Variants in CNTN5 observed in about 807,000 individuals in gnomAD.
CNTN5 encodes contactin 5.
Under a neutral mutation model 129.1 loss-of-function variants are expected in CNTN5, and 77 were observed. That is an observed-to-expected ratio of 0.60 (90% CI 0.50 to 0.72). The LOEUF (loss-of-function observed/expected upper bound fraction) is 0.72, where lower values mean the gene tolerates loss of function less well. Ranked by LOEUF, CNTN5 falls within the 30% of genes least tolerant of loss-of-function variation. The pLI is 0.00. For synonymous variants in CNTN5, 509 were observed against 465.6 expected, an observed-to-expected ratio of 1.09 and a Z score of -1.20; for missense variants, 1,478 against 1,328.8, an observed-to-expected ratio of 1.11 and a Z score of -1.75.
intron 21 of CNTN5, among the ~76,000 whole-genome samples, chr11:100,312,996 G>A (rs1264009585): frequency 2.0e-5 from 3 of 151,998 alleles, no homozygotes; most frequent in East Asian, 1.9e-4. Flanking sequence ...TAGCAAACCT[G>A]GTTCCTGTGA....
At chr11:99,843,350 C>A (rs1591296467) in intron 4 of CNTN5, among the ~76,000 whole-genome samples, 1 of 152,084 alleles carries the variant, frequency 6.6e-6, no homozygotes. Flanking sequence ...TGTTTTACTT[C>A]GCCAAGACAA....
At chr11:99,979,463 T>C (rs955866065) in intron 8 of CNTN5, among the ~76,000 whole-genome samples, 3 of 152,088 alleles carry the variant, frequency 2.0e-5, no homozygotes, top group Non-Finnish European at 4.4e-5. Context: ...GAAAAGTAAA[T>C]GAAGAAGAAG....
chr11:100,057,316 A>G (rs902144353), intron 9 of CNTN5, among the ~76,000 whole-genome samples: 1 of 149,932 alleles, frequency 6.7e-6, no homozygotes, highest in Non-Finnish European at 1.5e-5. Flanking sequence ...ATGAATTACA[A>G]CAAAAAAGTA....
chr11:99,270,457 C>T (rs1041821716), intron 1 of CNTN5, among the ~76,000 whole-genome samples: 9 of 151,804 alleles, frequency 5.9e-5, no homozygotes, highest in East Asian at 3.9e-4. Context: ...AACCCCAAAA[C>T]CTTCGGGAAC....
chr11:99,347,526 G>A (rs943071980), intron 2 of CNTN5, among the ~76,000 whole-genome samples: 5 of 152,070 alleles, frequency 3.3e-5, no homozygotes, highest in Non-Finnish European at 7.4e-5. Context: ...ATAAGAGAAA[G>A]CACATATCAT....
At chr11:99,746,227 T>C (rs1214229194) in intron 3 of CNTN5, among the ~76,000 whole-genome samples, 3 of 152,220 alleles carry the variant, frequency 2.0e-5, no homozygotes, top group Admixed American at 6.5e-5. Context: ...CATTTGTCTT[T>C]AGCAAATTTT....
chr11:99,577,823 T>TTTATTATTA (rs10677986), intron 3 of CNTN5, among the ~76,000 whole-genome samples: 14 of 148,044 alleles, frequency 9.5e-5, no homozygotes, highest in African/African-American at 2.2e-4. Context: ...AAGATTTTCT[T>TTTATTATTA]TTATTATTAT....
chr11:100,050,218 A>G (rs1210855296), intron 9 of CNTN5, among the ~76,000 whole-genome samples: 2 of 152,198 alleles, frequency 1.3e-5, no homozygotes, highest in African/African-American at 2.4e-5. Context: ...AAGAATTGGA[A>G]CCAACCCAAA....
chr11:99,031,507 ATTGGAT>A (rs977187735), intron 1 of CNTN5, among the ~76,000 whole-genome samples: 3 of 152,028 alleles, frequency 2.0e-5, no homozygotes, highest in African/African-American at 7.2e-5. Flanking sequence ...GTCTGGAACT[ATTGGAT>A]AGAGAGGAAA....
intron 3 of CNTN5, among the ~76,000 whole-genome samples, chr11:99,598,208 G>A (rs540114638): frequency 1.7e-4 from 25 of 144,124 alleles, no homozygotes; most frequent in Middle Eastern, 3.5e-3. Flanking sequence ...TTCCTCAGGC[G>A]GGAACCTTTT....
At chr11:99,728,962 C>T (rs908368978) in intron 3 of CNTN5, among the ~76,000 whole-genome samples, 4 of 152,136 alleles carry the variant, frequency 2.6e-5, no homozygotes, top group African/African-American at 4.8e-5. Flanking sequence ...TCTTAATGAG[C>T]ATAGGTTCTT....
At chr11:99,257,385 A>T (rs1320309044) in intron 1 of CNTN5, among the ~76,000 whole-genome samples, 1 of 152,004 alleles carries the variant, frequency 6.6e-6, no homozygotes, top group Admixed American at 6.6e-5. Context: ...ATGTCTACAA[A>T]CTGTTTTTAT....
chr11:99,410,351 A>G (rs1942336802), intron 2 of CNTN5, among the ~76,000 whole-genome samples: 1 of 152,178 alleles, frequency 6.6e-6, no homozygotes, highest in Non-Finnish European at 1.5e-5. Context: ...AGGTGAAAAC[A>G]AGGACAAGAA....
At chr11:99,936,951 C>T (rs1455378502) in intron 7 of CNTN5, among the ~76,000 whole-genome samples, 1 of 151,984 alleles carries the variant, frequency 6.6e-6, no homozygotes, top group Non-Finnish European at 1.5e-5. Flanking sequence ...ACCATGATAT[C>T]GATGGAGTTC....
In CNTN5 at chr11:100,191,217, G is replaced by A. The variant is rs773898226; in HGVS notation, c.1672G>A (p.Gly558Ser). ...KYVCRGENVF[G>S]SAEIIASLSV... ...CGTTTGCCGAGGGGAAAACGTCTTT[G>A]GTTCTGCTGAAATTATAGCTTCGCT... is the stretch of plus-strand genomic sequence containing the variant. Residue 558 changes from glycine (G) to serine (S), a missense_variant, in exon 14 of 25, where the codon GGT becomes AGT. Gly to Ser is a moderately conservative substitution (Grantham distance 56). Transcript: ENST00000524871. 5.0e-6 allele frequency: 8 copies of A among 1,612,616 alleles called. No homozygotes were observed. Among genetic ancestry groups the A allele is most frequent in the Non-Finnish European group, 4.2e-6 (5 of 1,179,098 alleles).
intron 24 of CNTN5, among the ~76,000 whole-genome samples, chr11:100,352,812 C>T (rs993643998): frequency 5.9e-5 from 9 of 151,696 alleles, no homozygotes; most frequent in African/African-American, 1.9e-4. Context: ...CAGATGAAGG[C>T]TGAATTTTCA....
chr11:99,587,046 C>G (rs2851593), intron 3 of CNTN5, among the ~76,000 whole-genome samples: 137,435 of 152,226 alleles, frequency 0.9, 62,169 homozygotes, highest in South Asian at 0.95. Flanking sequence ...AATGTGTGTG[C>G]GAGTGAGGAT....
intron 2 of CNTN5, among the ~76,000 whole-genome samples, chr11:99,384,314 C>G (rs1940787735): frequency 6.6e-6 from 1 of 152,160 alleles, no homozygotes; most frequent in Admixed American, 6.6e-5. Flanking sequence ...CACTTTTAAA[C>G]AATTTGGGCA....
intron 1 of CNTN5, among the ~76,000 whole-genome samples, chr11:99,170,579 C>A (rs1357603491): frequency 6.6e-6 from 1 of 152,102 alleles, no homozygotes; most frequent in African/African-American, 2.4e-5. Context: ...TAATGAATAT[C>A]TTAATTGAGA....
Sources: allele counts gnomAD v4.1 joint callset (sites outside exome capture counted in the v4.1 genomes callset), GRCh38; gene constraint gnomAD v4.1.1; transcripts MANE v1.5; gene names NCBI Gene and HGNC (gene_info 2026-07-23, HGNC 2026-07-21).